The following HDAC8 variants were observed in gnomAD, a reference collection of about 807,000 sequenced individuals.
The protein encoded by HDAC8 is histone deacetylase-like 1.
In HDAC8, 1 loss-of-function variant was observed where a neutral mutation model predicts 32.2. That is an observed-to-expected ratio of 0.03 (90% CI 0.01 to 0.15). The LOEUF is 0.15. Among genes scored for constraint, HDAC8 ranks in the 10% least tolerant of loss-of-function variants. The pLI is 1.00. For synonymous variants in HDAC8, 108 were observed against 113.9 expected, an observed-to-expected ratio of 0.95 and a Z score of 0.33; for missense variants, 117 against 300.0, an observed-to-expected ratio of 0.39 and a Z score of 4.51.
chrX:72,365,459 G>T (rs1006917218), intron 9 of HDAC8, among the ~76,000 whole-genome samples: 15 of 111,440 alleles, frequency 1.3e-4, no homozygotes, highest in African/African-American at 4.9e-4. Context: ...TTTCTCAAGG[G>T]AAATTCTGAA....
intron 9 of HDAC8, among the ~76,000 whole-genome samples, chrX:72,439,870 AAGTGGGAG>A (rs1285963983): frequency 3.6e-5 from 4 of 111,281 alleles, no homozygotes. Context: ...CACACAATAA[AAGTGGGAG>A]ACTTTAACAC....
chrX:72,427,703 C>A (rs2046689724), intron 9 of HDAC8, among the ~76,000 whole-genome samples: 1 of 107,444 alleles, frequency 9.3e-6, no homozygotes, highest in Middle Eastern at 4.8e-3. Flanking sequence ...ATGTAACTAA[C>A]CTGCACATTG....
chrX:72,391,047 A>G (rs1555963610), intron 9 of HDAC8, among the ~76,000 whole-genome samples: 1 of 112,301 alleles, frequency 8.9e-6, no homozygotes, highest in African/African-American at 3.2e-5. Context: ...TGTTTGATCA[A>G]TCACATTTAG....
chrX:72,507,975 CACG>C (rs1191859794), intron 4 of HDAC8, among the ~76,000 whole-genome samples: 2 of 111,658 alleles, frequency 1.8e-5, no homozygotes, highest in Non-Finnish European at 3.8e-5. Context: ...GGGCTTTGAT[CACG>C]ACATCAAGAA....
intron 4 of HDAC8, among the ~76,000 whole-genome samples, chrX:72,551,857 C>A (rs782315081): frequency 3.6e-5 from 4 of 111,997 alleles, no homozygotes; most frequent in Admixed American, 9.4e-5. Context: ...TGCCCTCAGA[C>A]TCTGGCCACA....
intron 9 of HDAC8, among the ~76,000 whole-genome samples, chrX:72,396,468 T>C (rs200232947): frequency 4.5e-5 from 5 of 112,354 alleles, no homozygotes; most frequent in Non-Finnish European, 9.4e-5. Context: ...TTTTTAAAAA[T>C]TTTTTTCTTT....
At chrX:72,389,809 G>T (rs782738432) in intron 9 of HDAC8, among the ~76,000 whole-genome samples, 1 of 111,742 alleles carries the variant, frequency 8.9e-6, no homozygotes, top group South Asian at 3.7e-4. Flanking sequence ...TAGGGAGACA[G>T]GAAGCTGCCA....
In HDAC8 at chrX:72,559,807, G is replaced by C. The variant is rs782524352; in HGVS notation, c.437+8082C>G. On this transcript the variant is annotated intron_variant, in intron 4 of 10. Transcript: ENST00000373573. The stretch of plus-strand genomic sequence containing the variant: ...CCCTCCGCCCAGCAGCCGCCCGTCT[G>C]TGAAGTGAGGAGCCCCTCCGCCCAG... Among the ~76,000 whole-genome samples, 341 of 107,302 alleles carry C rather than the reference G, an allele frequency of 3.2e-3. 1 individual carries two copies. The highest frequency in any genetic ancestry group is 0.011 in the African/African-American group (328 of 29,150). 93.2% of individuals were successfully genotyped at this position (107,302 alleles called of 115,157 possible).
At chrX:72,411,800 A>C (rs930478565) in intron 9 of HDAC8, among the ~76,000 whole-genome samples, 2 of 112,201 alleles carry the variant, frequency 1.8e-5, no homozygotes, top group South Asian at 7.4e-4. Context: ...AGACAGTAAG[A>C]GGACTCATGC....
intron 9 of HDAC8, among the ~76,000 whole-genome samples, chrX:72,403,457 A>G (rs1232210372): frequency 1.8e-5 from 2 of 111,765 alleles, no homozygotes; most frequent in African/African-American, 3.2e-5. Flanking sequence ...TCATACATAC[A>G]TATACATCTA....
intron 4 of HDAC8, among the ~76,000 whole-genome samples, chrX:72,561,068 C>A (rs1324980042): frequency 8.9e-6 from 1 of 111,876 alleles, no homozygotes; most frequent in African/African-American, 3.2e-5. Flanking sequence ...AATGAAAACA[C>A]ATTCCATGCT....
intron 7 of HDAC8, among the ~76,000 whole-genome samples, chrX:72,477,226 G>T (rs994405606): frequency 9.0e-6 from 1 of 111,588 alleles, no homozygotes; most frequent in East Asian, 2.8e-4. Flanking sequence ...GAACATTTAC[G>T]TGTATATTTA....
At chrX:72,401,657 C>A (rs782481382) in intron 9 of HDAC8, among the ~76,000 whole-genome samples, 33 of 112,335 alleles carry the variant, frequency 2.9e-4, no homozygotes, top group Middle Eastern at 4.6e-3. Context: ...CCTTGTTGGC[C>A]ATTTGTATAT....
intron 5 of HDAC8, among the ~76,000 whole-genome samples, chrX:72,494,343 G>T (rs782470493): frequency 4.6e-5 from 5 of 109,278 alleles, no homozygotes; most frequent in Non-Finnish European, 9.5e-5. Context: ...TCCTCTCTAT[G>T]CCTTGATTAT....
chrX:72,419,415 G>C (rs2046426626), intron 9 of HDAC8, among the ~76,000 whole-genome samples: 1 of 111,721 alleles, frequency 9.0e-6, no homozygotes, highest in Admixed American at 9.5e-5. Context: ...ATTATTGGTA[G>C]ATAAAAGCAC....
intron 4 of HDAC8, among the ~76,000 whole-genome samples, chrX:72,501,265 A>G (rs1365133323): frequency 8.9e-6 from 1 of 111,897 alleles, no homozygotes; most frequent in Non-Finnish European, 1.9e-5. Flanking sequence ...AACTAGAAAA[A>G]ACTATTTTAA....
At chrX:72,436,163 T>C (rs1363970858) in intron 9 of HDAC8, among the ~76,000 whole-genome samples, 2 of 111,219 alleles carry the variant, frequency 1.8e-5, no homozygotes, top group African/African-American at 6.5e-5. Context: ...TTCAAAGAAA[T>C]GGCTGAAACT....
intron 9 of HDAC8, among the ~76,000 whole-genome samples, chrX:72,442,178 C>G (rs2047177118): frequency 9.0e-6 from 1 of 110,537 alleles, no homozygotes; most frequent in Non-Finnish European, 1.9e-5. Flanking sequence ...TCAGGAAATA[C>G]AGAGAACACC....
At chrX:72,443,859 C>T (rs1316421634) in intron 9 of HDAC8, among the ~76,000 whole-genome samples, 1 of 109,192 alleles carries the variant, frequency 9.2e-6, no homozygotes, top group East Asian at 2.9e-4. Context: ...GGGATATCAC[C>T]ACCGATCACA....
Sources: gnomAD v4.1 joint callset for allele counts (sites outside exome capture counted in the v4.1 genomes callset) on GRCh38, gnomAD v4.1.1 for gene constraint, MANE v1.5 for transcripts, NCBI Gene and HGNC (gene_info 2026-07-23, HGNC 2026-07-21) for gene names.